HIRA: variants seen among roughly 807,000 people sequenced by gnomAD.
HIRA encodes protein HIRA.
A neutral mutation model predicts 126.6 loss-of-function variants in HIRA; 13 were observed. That is an observed-to-expected ratio of 0.10 (90% CI 0.07 to 0.16). The LOEUF (loss-of-function observed/expected upper bound fraction) is 0.16. Ranked by LOEUF, HIRA falls within the 10% of genes least tolerant of loss-of-function variation. The pLI, the probability that HIRA is intolerant of heterozygous loss-of-function variation, is 1.00. For synonymous variants in HIRA, 511 were observed against 520.0 expected, an observed-to-expected ratio of 0.98 and a Z score of 0.24; for missense variants, 834 against 1,314.4, an observed-to-expected ratio of 0.63 and a Z score of 5.65.
intron 24 of HIRA, among the ~76,000 whole-genome samples, chr22:19,332,861 T>C (rs2088508522): frequency 6.6e-6 from 1 of 151,612 alleles, no homozygotes; most frequent in Non-Finnish European, 1.5e-5. Flanking sequence ...TTGAAATAAA[T>C]AAAATAGAAA....
At chr22:19,424,294 T>A (rs1199230887) in intron 1 of HIRA, among the ~76,000 whole-genome samples, 1 of 152,212 alleles carries the variant, frequency 6.6e-6, no homozygotes, top group Non-Finnish European at 1.5e-5. Flanking sequence ...AGAGGGCACA[T>A]GACCTAGTTG....
intron 12 of HIRA, 53 bp from the exon 13 acceptor site, chr22:19,383,758 CA>C: frequency 1.5e-6 from 2 of 1,358,724 alleles, no homozygotes; most frequent in Non-Finnish European, 2.1e-6. Context: ...CAACTATTTC[CA>C]AATATTAAAA....
chr22:19,431,717 G>A lies in HIRA; in HGVS notation c.-241C>T. On this transcript the variant is annotated 5_prime_UTR_variant, in exon 1 of 25. Transcript: ENST00000263208. ...GCATCCCCTGCGCCGCTCCTCCTCA[G>A]GCGGCTCCCGGGCAACGCCGGAAGT... The A allele has an allele frequency of 5.7e-6, 2 of 351,700 alleles. No individual in the cohort carries two copies. The highest frequency in any genetic ancestry group is 9.7e-6 in the Non-Finnish European group (2 of 205,326). 21.8% of individuals were successfully genotyped at this position (351,700 alleles called of 1,614,324 possible). A position where few individuals can be genotyped will look rare whatever the true frequency, so the allele number is the denominator to read the frequency against.
intron 15 of HIRA, among the ~76,000 whole-genome samples, chr22:19,370,824 G>C (rs1391493485): frequency 6.6e-6 from 1 of 152,176 alleles, no homozygotes; most frequent in Admixed American, 6.5e-5. Flanking sequence ...AGAAACTGAG[G>C]ATGACAAATG....
chr22:19,335,730 T>C (rs2088560398), intron 24 of HIRA, among the ~76,000 whole-genome samples: 2 of 152,188 alleles, frequency 1.3e-5, no homozygotes, highest in African/African-American at 4.8e-5. Flanking sequence ...TTGTCTTCTC[T>C]CTCATATAGC....
At position 19,417,094 on chromosome 22, in the gene HIRA, G is replaced by A. The variant is rs148636528; in HGVS notation, c.38-6316C>T. Among the ~76,000 whole-genome samples the A allele has an allele frequency of 9.8e-3, 1,496 of 152,108 alleles. 27 individuals are homozygous for A. Among genetic ancestry groups the A allele is most frequent in the African/African-American group, 0.034 (1,393 of 41,480 alleles). ...GGGTGCCTGTAGTCCTATCTACTCT[G>A]GAGGCTGAAGCAGGAGAATCACTTG... is the stretch of plus-strand genomic sequence containing the variant. On this transcript the variant is annotated intron_variant, in intron 1 of 24. Coordinates refer to ENST00000263208, the MANE Select transcript of HIRA (RefSeq NM_003325.4).
rs758235726 is a variant in HIRA at position 19,385,617 on chromosome 22, C to T, written c.1233G>A (p.Gln411=). The change falls in exon 12 of 25, where the codon CAG becomes CAA. Residue 411 remains glutamine (Q), a synonymous_variant. Transcript: ENST00000263208. ...TCGCAGCACTCTTCTGGTCCAGCTG[C>T]TGCTGCTGCTGCCTTCGCTGGTACT... ...MLKYQRRQQQ[Q]QLDQKSAATR... 2 of 1,614,188 alleles carry T rather than the reference C, an allele frequency of 1.2e-6. No individual in the cohort carries two copies. Among genetic ancestry groups the T allele is most frequent in the Admixed American group, 3.3e-5 (2 of 60,036 alleles).
chr22:19,418,603 G>A (rs2089418704), intron 1 of HIRA, among the ~76,000 whole-genome samples: 1 of 152,092 alleles, frequency 6.6e-6, no homozygotes, highest in Non-Finnish European at 1.5e-5. Context: ...GTTCCAGCCT[G>A]GGCAACAGAG....
chr22:19,337,881 G>T (rs565549169), intron 24 of HIRA, among the ~76,000 whole-genome samples: 3 of 151,970 alleles, frequency 2.0e-5, no homozygotes, highest in African/African-American at 4.8e-5. Context: ...AATCTCTGCC[G>T]CCCTGGTTCA....
At chr22:19,338,034 C>T (rs1456367572) in intron 24 of HIRA, among the ~76,000 whole-genome samples, 1 of 152,062 alleles carries the variant, frequency 6.6e-6, no homozygotes, top group Non-Finnish European at 1.5e-5. Flanking sequence ...TTAAATGATC[C>T]ACCCACCTTG....
At position 19,398,105 on chromosome 22, in the gene HIRA, GT is replaced by G; in HGVS notation, c.398-19del. ...CATCACATCTGAAAGAAGACAGAGGGTTCTGGTGAGATCTCTTACCTGGTGA... is the reference window on the plus strand; with the variant it reads ...CATCACATCTGAAAGAAGACAGAGGGTCTGGTGAGATCTCTTACCTGGTGA... On this transcript the variant is annotated intron_variant, in intron 5 of 24. Coordinates refer to ENST00000263208, the MANE Select transcript of HIRA (RefSeq NM_003325.4). The G allele has an allele frequency of 3.1e-6, 5 of 1,592,970 alleles. No individual in the cohort carries two copies. Among genetic ancestry groups the G allele is most frequent in the Non-Finnish European group, 4.3e-6 (5 of 1,161,328 alleles).
intron 1 of HIRA, among the ~76,000 whole-genome samples, chr22:19,413,789 T>A (rs1299246080): frequency 1.3e-5 from 2 of 151,890 alleles, no homozygotes; most frequent in African/African-American, 4.8e-5. Flanking sequence ...TTTTGGTATT[T>A]TTAGTAGAAA....
rs543852489 is a variant in HIRA at position 19,336,011 on chromosome 22, C to A, written c.2938-4455G>T. The stretch of plus-strand genomic sequence containing the variant: ...TTAAGTAAACGTTTATAATTCTTAG[C>A]ATATAGGCTATGTACATCCTTTGTT... On this transcript the variant is annotated intron_variant, in intron 24 of 24. Transcript: ENST00000263208. Among the ~76,000 whole-genome samples the A allele has an allele frequency of 2.6e-5, 4 of 152,252 alleles. No homozygotes were observed. In the South Asian group the frequency reaches 6.2e-4, roughly 24 times the overall value.
intron 13 of HIRA, among the ~76,000 whole-genome samples, chr22:19,382,418 C>T (rs2089082072): frequency 6.6e-6 from 1 of 152,204 alleles, no homozygotes; most frequent in Non-Finnish European, 1.5e-5. Context: ...AGGGGCATTA[C>T]CCCCTACAGG....
intron 15 of HIRA, among the ~76,000 whole-genome samples, chr22:19,363,621 G>T (rs1227763577): frequency 6.6e-6 from 1 of 152,192 alleles, no homozygotes; most frequent in African/African-American, 2.4e-5. Flanking sequence ...ATTCTGGCTG[G>T]GTGTGGTGGC....
chr22:19,426,790 T>C (rs1011432992), intron 1 of HIRA, among the ~76,000 whole-genome samples: 5 of 152,208 alleles, frequency 3.3e-5, no homozygotes, highest in Non-Finnish European at 7.3e-5. Context: ...GTTATTTTCC[T>C]AAATCAACCT....
chr22:19,417,154 CGT>C (rs1229604517), intron 1 of HIRA, among the ~76,000 whole-genome samples: 1 of 151,906 alleles, frequency 6.6e-6, no homozygotes, highest in Non-Finnish European at 1.5e-5. Context: ...GAGCTGAGAT[CGT>C]GCCATTGCAC....
Position 19,393,137 on chromosome 22 carries a change from C to T in HIRA, c.823-923G>A, listed in dbSNP as rs1261770171. The stretch of plus-strand genomic sequence containing the variant: ...AGGAGCTCTGTGAGCCATAGGCAGG[C>T]GTCGTGATCTCCCAGAGCTGCTAAT... On this transcript the variant is annotated intron_variant, in intron 8 of 24. Transcript: ENST00000263208. Among the ~76,000 whole-genome samples the T allele has an allele frequency of 3.3e-5, 5 of 152,048 alleles. No homozygotes were observed. In the East Asian group the frequency reaches 5.8e-4, roughly 18 times the overall value.
chr22:19,385,080 G>A (rs184138954), intron 12 of HIRA, among the ~76,000 whole-genome samples: 1 of 152,166 alleles, frequency 6.6e-6, no homozygotes, highest in African/African-American at 2.4e-5. Flanking sequence ...GCCTACACAG[G>A]CTCCTGGAGA....
Sources: gnomAD v4.1 joint callset for allele counts (sites outside exome capture counted in the v4.1 genomes callset) on GRCh38, gnomAD v4.1.1 for gene constraint, MANE v1.5 for transcripts, NCBI Gene and HGNC (gene_info 2026-07-23, HGNC 2026-07-21) for gene names.